Variants in ROBO2 observed in about 807,000 individuals in gnomAD.
ROBO2 encodes roundabout homolog 2.
Under a neutral mutation model 160.8 loss-of-function variants are expected in ROBO2, and 53 were observed. The ratio of observed to expected loss-of-function variants is 0.33; its 90% confidence interval spans 0.26 to 0.41. The LOEUF (loss-of-function observed/expected upper bound fraction) is 0.41, where lower values mean the gene tolerates loss of function less well. ROBO2 is among the 10% of genes least tolerant of loss of function. The probability of loss-of-function intolerance (pLI) is 1.00; values close to 1 mark genes in which losing one functional copy is unlikely to be tolerated. For missense variants in ROBO2, 1,577 were observed against 1,722.4 expected (o/e 0.92, Z 1.49); for synonymous variants, 664 against 611.7 (o/e 1.09, Z -1.26).
chr3:76,425,755 G>T (rs772502518), intron 2 of ROBO2, among the ~76,000 whole-genome samples: 6 of 151,778 alleles, frequency 4.0e-5, no homozygotes, highest in African/African-American at 1.5e-4. Context: ...TATAACCCCC[G>T]AGAAATGAGT....
At chr3:76,242,209 G>A (rs762223842) in intron 2 of ROBO2, among the ~76,000 whole-genome samples, 3 of 152,042 alleles carry the variant, frequency 2.0e-5, no homozygotes, top group African/African-American at 7.3e-5. Context: ...GTTGTTGTGC[G>A]GCCCTGTTCT....
intron 2 of ROBO2, among the ~76,000 whole-genome samples, chr3:76,092,146 T>C (rs1245563383): frequency 6.6e-6 from 1 of 152,138 alleles, no homozygotes; most frequent in Admixed American, 6.5e-5. Context: ...GGGATGTTGA[T>C]AGTGTGGGAC....
intron 2 of ROBO2, among the ~76,000 whole-genome samples, chr3:76,626,232 T>C (rs965381819): frequency 7.2e-5 from 11 of 152,178 alleles, no homozygotes; most frequent in Admixed American, 1.3e-4. Context: ...GGGTTTTAGA[T>C]GTTAAGATTG....
chr3:75,980,499 A>G (rs1307132333), intron 2 of ROBO2, among the ~76,000 whole-genome samples: 1 of 151,596 alleles, frequency 6.6e-6, no homozygotes, highest in South Asian at 2.1e-4. Context: ...ACAAAAGTGG[A>G]TAAGTTACCT....
At chr3:76,844,277 C>G (rs778609073) in intron 2 of ROBO2, among the ~76,000 whole-genome samples, 1 of 151,962 alleles carries the variant, frequency 6.6e-6, no homozygotes, top group Non-Finnish European at 1.5e-5. Flanking sequence ...GTTTTGCAAT[C>G]TTCCTGAACA....
chr3:77,132,865 G>A (rs1463802709), intron 2 of ROBO2, among the ~76,000 whole-genome samples: 1 of 152,072 alleles, frequency 6.6e-6, no homozygotes, highest in Non-Finnish European at 1.5e-5. Context: ...AATATGTTTT[G>A]AACATCTTCT....
rs563291858 is a variant in ROBO2 at position 76,221,833 on chromosome 3, A to G, written c.109+284231A>G. On this transcript the variant is annotated intron_variant, in intron 2 of 26. Coordinates refer to the ROBO2 transcript ENST00000487694. The stretch of plus-strand genomic sequence containing the variant: ...ACTGTGCCTGTGGATAAGACATTTT[A>G]TAAGTCCACGGATGGTAGTTTCGGT... Among the ~76,000 whole-genome samples, 5 of 152,174 alleles carry G rather than the reference A, an allele frequency of 3.3e-5. No individual in the cohort carries two copies. In the East Asian group the frequency reaches 5.8e-4, roughly 18 times the overall value.
chr3:76,896,473 C>A (rs1203281821), intron 2 of ROBO2, among the ~76,000 whole-genome samples: 1 of 151,834 alleles, frequency 6.6e-6, no homozygotes, highest in African/African-American at 2.4e-5. Flanking sequence ...ATTAGCAAGA[C>A]AAATAATAAT....
chr3:77,518,520 A>G (rs901998588), intron 5 of ROBO2, among the ~76,000 whole-genome samples: 14 of 151,392 alleles, frequency 9.2e-5, no homozygotes, highest in African/African-American at 3.1e-4. Context: ...GTATTGTAGC[A>G]TTTACTTCTA....
At chr3:77,483,551 T>C (rs1217121917) in intron 4 of ROBO2, among the ~76,000 whole-genome samples, 4 of 151,746 alleles carry the variant, frequency 2.6e-5, no homozygotes, top group Non-Finnish European at 4.4e-5. Flanking sequence ...CTCAATTTTA[T>C]TTTCATGGAG....
intron 5 of ROBO2, among the ~76,000 whole-genome samples, chr3:77,513,149 T>C (rs2089610412): frequency 6.6e-6 from 1 of 151,894 alleles, no homozygotes; most frequent in East Asian, 1.9e-4. Flanking sequence ...CTGAGCATGA[T>C]AAAATTCCAG....
chr3:75,920,800 T>C (rs1348848274), intron 1 of ROBO2, among the ~76,000 whole-genome samples: 4 of 152,138 alleles, frequency 2.6e-5, no homozygotes, highest in Non-Finnish European at 5.9e-5. Flanking sequence ...TGTCCTTTTT[T>C]ATCTTTGTTG....
At chr3:76,772,577 A>C (rs1445210954) in intron 2 of ROBO2, among the ~76,000 whole-genome samples, 1 of 148,196 alleles carries the variant, frequency 6.7e-6, no homozygotes, top group Non-Finnish European at 1.5e-5. Flanking sequence ...TTTTCTATAC[A>C]CTAATTTTTA....
chr3:76,822,488 AATC>A (rs1200875888), intron 2 of ROBO2, among the ~76,000 whole-genome samples: 1 of 152,060 alleles, frequency 6.6e-6, no homozygotes, highest in Non-Finnish European at 1.5e-5. Flanking sequence ...AATTAACAAT[AATC>A]ATATTAATAA....
At chr3:77,324,648 T>C (rs1482836802) in intron 2 of ROBO2, among the ~76,000 whole-genome samples, 6 of 123,684 alleles carry the variant, frequency 4.9e-5, no homozygotes, top group Non-Finnish European at 8.0e-5. Flanking sequence ...GGTGCAGTGG[T>C]GAGCGCCTGT....
chr3:75,970,907 A>C (rs1411092367), intron 2 of ROBO2, among the ~76,000 whole-genome samples: 8 of 151,348 alleles, frequency 5.3e-5, no homozygotes, highest in Non-Finnish European at 1.2e-4. Context: ...TAACCTCAAT[A>C]AATAATTTAT....
chr3:76,984,673 T>C (rs2060278299), intron 2 of ROBO2, among the ~76,000 whole-genome samples: 1 of 151,770 alleles, frequency 6.6e-6, no homozygotes, highest in African/African-American at 2.4e-5. Flanking sequence ...ACAATGATAC[T>C]CATAAAATAT....
chr3:76,453,483 T>A (rs1318743594), intron 2 of ROBO2, among the ~76,000 whole-genome samples: 4 of 152,278 alleles, frequency 2.6e-5, no homozygotes, highest in Middle Eastern at 3.4e-3. Context: ...GATCAGATAG[T>A]TGTAGATATG....
At chr3:77,008,218 C>A (rs2061685438) in intron 2 of ROBO2, among the ~76,000 whole-genome samples, 1 of 151,996 alleles carries the variant, frequency 6.6e-6, no homozygotes. Context: ...AACAAATCAA[C>A]CCCATTCAAA....
Sources: gnomAD v4.1 joint callset for allele counts (sites outside exome capture counted in the v4.1 genomes callset) on GRCh38, gnomAD v4.1.1 for gene constraint, MANE v1.5 for transcripts, NCBI Gene and HGNC (gene_info 2026-07-23, HGNC 2026-07-21) for gene names.